MAGI2: variants seen among roughly 807,000 people sequenced by gnomAD.
MAGI2 encodes membrane associated guanylate kinase, WW and PDZ domain containing 2.
A neutral mutation model predicts 133.3 loss-of-function variants in MAGI2; 35 were observed. That is an observed-to-expected ratio of 0.26 (90% CI 0.20 to 0.35). The LOEUF (loss-of-function observed/expected upper bound fraction) is 0.35, where lower values mean the gene tolerates loss of function less well. Among genes scored for constraint, MAGI2 ranks in the 10% least tolerant of loss-of-function variants. The probability of loss-of-function intolerance (pLI) is 1.00; values close to 1 mark genes in which losing one functional copy is unlikely to be tolerated. For missense variants in MAGI2, 1,636 were observed against 1,863.4 expected, an observed-to-expected ratio of 0.88 and a Z score of 2.25; for synonymous variants, 729 against 710.6, an observed-to-expected ratio of 1.03 and a Z score of -0.41.
At chr7:78,071,207 G>C (rs185523513) in intron 21 of MAGI2, among the ~76,000 whole-genome samples, 247 of 152,338 alleles carry the variant, frequency 1.6e-3, no homozygotes, top group African/African-American at 5.5e-3. Context: ...TTTTGGCTGA[G>C]CATCAGGGAA....
rs1000361057 is a variant in MAGI2 at position 78,741,376 on chromosome 7, A to G, written c.419-114137T>C. On this transcript the variant is annotated intron_variant, in intron 2 of 21. Transcript: ENST00000354212. ...TGGAGGAATAGAAGAAAAAAGTTGA[A>G]ACACACACACACACACACACACACA... Among the ~76,000 whole-genome samples, 102 of 117,548 alleles carry G rather than the reference A, an allele frequency of 8.7e-4. No individual in the cohort carries two copies. The South Asian group carries it at 0.013, about 15-fold the overall frequency. 77.1% of individuals were successfully genotyped at this position (117,548 alleles called of 152,430 possible).
intron 3 of MAGI2, among the ~76,000 whole-genome samples, chr7:78,620,810 G>A (rs911226118): frequency 6.6e-6 from 1 of 151,994 alleles, no homozygotes; most frequent in African/African-American, 2.4e-5. Flanking sequence ...CTTTTCAATA[G>A]ATAGAAAAAT....
chr7:78,255,857 C>T (rs1792913706), intron 10 of MAGI2, 86 bp downstream of exon 10: 1 of 1,342,688 alleles, frequency 7.4e-7, no homozygotes, highest in African/African-American at 1.5e-5. Context: ...CATTCAACTC[C>T]AAGGAAATCT....
At chr7:79,149,828 C>CA (rs1322270126) in intron 1 of MAGI2, among the ~76,000 whole-genome samples, 5 of 151,822 alleles carry the variant, frequency 3.3e-5, no homozygotes, top group African/African-American at 9.7e-5. Flanking sequence ...AGTAACTTAA[C>CA]AAAAAAAGTA....
chr7:78,743,468 G>A (rs184381405), intron 2 of MAGI2, among the ~76,000 whole-genome samples: 20 of 152,160 alleles, frequency 1.3e-4, no homozygotes, highest in Non-Finnish European at 2.8e-4. Context: ...CAGCCAGAAA[G>A]GGTTAAGTGT....
chr7:78,820,144 T>C (rs552048019), intron 2 of MAGI2, among the ~76,000 whole-genome samples: 159 of 152,112 alleles, frequency 1.0e-3, no homozygotes, highest in African/African-American at 3.8e-3. Context: ...GTAACATCAC[T>C]GAATATTTAG....
chr7:78,217,629 G>A (rs1368436539), intron 10 of MAGI2, among the ~76,000 whole-genome samples: 1 of 152,182 alleles, frequency 6.6e-6, no homozygotes, highest in Non-Finnish European at 1.5e-5. Flanking sequence ...GCATGCAACA[G>A]GGAGATGGCA....
At chr7:79,417,674 A>G (rs371650116) in intron 1 of MAGI2, among the ~76,000 whole-genome samples, 1 of 152,190 alleles carries the variant, frequency 6.6e-6, no homozygotes, top group East Asian at 1.9e-4. Flanking sequence ...AATTCCTGTG[A>G]TCCTGGAGTA....
At chr7:78,315,145 A>G (rs1450701751) in intron 9 of MAGI2, among the ~76,000 whole-genome samples, 1 of 152,128 alleles carries the variant, frequency 6.6e-6, no homozygotes, top group Non-Finnish European at 1.5e-5. Flanking sequence ...AAGTTTCCAA[A>G]TGTCCTAGTT....
chr7:78,653,547 C>T (rs1811802700), intron 2 of MAGI2, among the ~76,000 whole-genome samples: 1 of 151,966 alleles, frequency 6.6e-6, no homozygotes, highest in Admixed American at 6.6e-5. Flanking sequence ...GAAAACCAAA[C>T]ACTGCATGTT....
chr7:78,141,198 G>A (rs927561948), intron 16 of MAGI2, among the ~76,000 whole-genome samples: 5 of 152,158 alleles, frequency 3.3e-5, no homozygotes, highest in Non-Finnish European at 7.4e-5. Flanking sequence ...GAGCTCTGAT[G>A]TGATGCCTTT....
intron 1 of MAGI2, among the ~76,000 whole-genome samples, chr7:79,087,695 G>C (rs1325987199): frequency 2.6e-5 from 4 of 152,028 alleles, no homozygotes; most frequent in African/African-American, 9.7e-5. Flanking sequence ...AAGGGGTCCA[G>C]TTTCAGTTTT....
At chr7:78,995,763 C>A (rs1325454412) in intron 2 of MAGI2, among the ~76,000 whole-genome samples, 1 of 152,030 alleles carries the variant, frequency 6.6e-6, no homozygotes, top group African/African-American at 2.4e-5. Context: ...TGAAACTCTT[C>A]AGAAGCATGC....
At chr7:78,215,420 C>A (rs1042643384) in intron 10 of MAGI2, among the ~76,000 whole-genome samples, 3 of 152,162 alleles carry the variant, frequency 2.0e-5, no homozygotes, top group African/African-American at 7.2e-5. Context: ...TCCCAGCCAT[C>A]TGTGGACTTG....
intron 1 of MAGI2, among the ~76,000 whole-genome samples, chr7:79,250,855 A>G (rs935215443): frequency 2.6e-5 from 4 of 152,304 alleles, no homozygotes; most frequent in Admixed American, 6.5e-5. Context: ...ATGTAGAGCT[A>G]TAGTAACCAA....
intron 2 of MAGI2, among the ~76,000 whole-genome samples, chr7:78,780,785 T>G (rs1275112724): frequency 6.6e-6 from 1 of 152,228 alleles, no homozygotes; most frequent in East Asian, 1.9e-4. Context: ...TAGGGAAACC[T>G]GAACAGAAAG....
rs114368070 is a variant in MAGI2 at position 78,964,838 on chromosome 7, T to C, written c.418+42252A>G. On this transcript the variant is annotated intron_variant, in intron 2 of 21. Transcript: ENST00000354212. ...ATTCTATAACAAAGTGTCTTTATCA[T>C]TGACTTTTTCTTTTTAAAATATTCT... 2.1e-3 allele frequency among the ~76,000 whole-genome samples: 312 copies of C among 152,132 alleles called. 1 individual carries two copies. Among genetic ancestry groups the C allele is most frequent in the African/African-American group, 7.1e-3 (294 of 41,556 alleles).
chr7:79,132,260 T>C (rs1343451638), intron 1 of MAGI2, among the ~76,000 whole-genome samples: 5 of 152,080 alleles, frequency 3.3e-5, no homozygotes, highest in Admixed American at 1.3e-4. Flanking sequence ...TAGTATACAT[T>C]GTACCTAATG....
At chr7:78,377,500 C>T (rs1794549934) in intron 6 of MAGI2, among the ~76,000 whole-genome samples, 1 of 151,502 alleles carries the variant, frequency 6.6e-6, no homozygotes, top group South Asian at 2.1e-4. Context: ...CTTGGGAAGG[C>T]CCAGCTTCTG....
Sources: allele counts gnomAD v4.1 joint callset (sites outside exome capture counted in the v4.1 genomes callset), GRCh38; gene constraint gnomAD v4.1.1; transcripts MANE v1.5; gene names NCBI Gene and HGNC (gene_info 2026-07-23, HGNC 2026-07-21).